The following HMGCLL1 variants were observed in gnomAD, a reference collection of about 807,000 sequenced individuals.
HMGCLL1 encodes the protein 3-hydroxy-3-methylglutaryl-CoA lyase like 1.
HMGCLL1 carries 36 observed loss-of-function variants against 39.1 expected under a neutral mutation model. That is an observed-to-expected ratio of 0.92 (90% CI 0.71 to 1.22). The LOEUF (loss-of-function observed/expected upper bound fraction) is 1.22, where lower values mean the gene tolerates loss of function less well. HMGCLL1 is among the 50% of genes most tolerant of loss of function. HMGCLL1 has a pLI of 0.00. For missense variants in HMGCLL1, 451 were observed against 416.5 expected, an observed-to-expected ratio of 1.08 and a Z score of -0.72; for synonymous variants, 149 against 144.0, an observed-to-expected ratio of 1.03 and a Z score of -0.25.
At chr6:55,538,947 A>G (rs913516286) in intron 3 of HMGCLL1, among the ~76,000 whole-genome samples, 4 of 152,102 alleles carry the variant, frequency 2.6e-5, no homozygotes, top group Non-Finnish European at 5.9e-5. Context: ...TATTACTACT[A>G]CTCTTAATCC....
the HMGCLL1 span, among the ~76,000 whole-genome samples, chr6:55,674,217 G>A: frequency 2.6e-5 from 4 of 151,720 alleles, no homozygotes; most frequent in East Asian, 7.7e-4. Flanking sequence ...ATAGAATATG[G>A]TGTCAAGTTA....
upstream of HMGCLL1, among the ~76,000 whole-genome samples, chr6:55,579,968 T>C (rs1224146320): frequency 6.6e-6 from 1 of 152,096 alleles, no homozygotes; most frequent in African/African-American, 2.4e-5. Flanking sequence ...CTAATAATCT[T>C]CGCAGTGGGT....
At chr6:55,519,125 G>A (rs1357564429) in intron 3 of HMGCLL1, among the ~76,000 whole-genome samples, 2 of 152,128 alleles carry the variant, frequency 1.3e-5, no homozygotes, top group Non-Finnish European at 2.9e-5. Flanking sequence ...TTAGTATAAA[G>A]ATTCTGATTT....
At chr6:55,461,845 A>C (rs1764580020) in intron 7 of HMGCLL1, among the ~76,000 whole-genome samples, 1 of 152,184 alleles carries the variant, frequency 6.6e-6, no homozygotes, top group Non-Finnish European at 1.5e-5. Context: ...CCTGTGAAGA[A>C]CTACTCAATA....
At chr6:55,510,201 A>G (rs1274202428) in intron 5 of HMGCLL1, among the ~76,000 whole-genome samples, 1 of 152,040 alleles carries the variant, frequency 6.6e-6, no homozygotes, top group Admixed American at 6.6e-5. Context: ...CAGAAGGTTA[A>G]TCACGAATCA....
chr6:55,543,479 T>TATATG (rs1554156497), intron 1 of HMGCLL1, among the ~76,000 whole-genome samples: 887 of 12,002 alleles, frequency 0.074, 7 homozygotes, highest in Non-Finnish European at 0.15. Flanking sequence ...TCATATATAA[T>TATATG]ATATATATGA....
At chr6:55,503,937 T>C (rs1353492506) in intron 5 of HMGCLL1, among the ~76,000 whole-genome samples, 1 of 151,716 alleles carries the variant, frequency 6.6e-6, no homozygotes, top group African/African-American at 2.4e-5. Flanking sequence ...AGTGCTCTCC[T>C]TGTTTCTAAC....
At chr6:55,480,180 A>G (rs777734838) in intron 7 of HMGCLL1, among the ~76,000 whole-genome samples, 3 of 151,610 alleles carry the variant, frequency 2.0e-5, no homozygotes, top group Non-Finnish European at 4.4e-5. Flanking sequence ...AGCAAACAAC[A>G]AAGAGACAAC....
At chr6:55,461,870 A>C (rs746757705) in intron 7 of HMGCLL1, among the ~76,000 whole-genome samples, 7 of 152,214 alleles carry the variant, frequency 4.6e-5, no homozygotes, top group Non-Finnish European at 1.0e-4. Flanking sequence ...CTTGCTAATG[A>C]AAACAATAAT....
chr6:55,531,085 G>T (rs1768638755), intron 3 of HMGCLL1, among the ~76,000 whole-genome samples: 1 of 152,146 alleles, frequency 6.6e-6, no homozygotes, highest in Non-Finnish European at 1.5e-5. Context: ...TTTAAACCAG[G>T]TTTTGAGTAA....
At chr6:55,664,734 G>A in the HMGCLL1 span, among the ~76,000 whole-genome samples, 6 of 151,614 alleles carry the variant, frequency 4.0e-5, no homozygotes, top group Non-Finnish European at 8.9e-5. Context: ...CATTCAATTT[G>A]TTAGTCAGGC....
intron 1 of HMGCLL1, chr6:55,563,804 T>C (rs1771081678): frequency 9.3e-7 from 1 of 1,069,934 alleles, no homozygotes; most frequent in South Asian, 1.3e-5. Flanking sequence ...GTTGTTAGGC[T>C]TCTCCTATTC....
chr6:55,637,593 A>G, the HMGCLL1 span, among the ~76,000 whole-genome samples: 1 of 151,888 alleles, frequency 6.6e-6, no homozygotes, highest in South Asian at 2.1e-4. Context: ...CATTTAATAC[A>G]CTCTTCTGAG....
intron 7 of HMGCLL1, among the ~76,000 whole-genome samples, chr6:55,465,335 A>C (rs976286511): frequency 6.6e-6 from 1 of 152,038 alleles, no homozygotes; most frequent in African/African-American, 2.4e-5. Context: ...ACACACCCAA[A>C]ATCAGTTATC....
the HMGCLL1 span, among the ~76,000 whole-genome samples, chr6:55,649,105 G>A: frequency 6.6e-6 from 1 of 152,054 alleles, no homozygotes. Context: ...CTTAAGTCAA[G>A]AGAAGTTTAC....
chr6:55,474,305 T>C (rs1469396722), intron 7 of HMGCLL1, among the ~76,000 whole-genome samples: 2 of 151,764 alleles, frequency 1.3e-5, no homozygotes, highest in South Asian at 2.1e-4. Flanking sequence ...CAATCTGTTA[T>C]GAATTTTTTC....
At chr6:55,652,406 CT>C in the HMGCLL1 span, among the ~76,000 whole-genome samples, 1 of 151,948 alleles carries the variant, frequency 6.6e-6, no homozygotes, top group Non-Finnish European at 1.5e-5. Flanking sequence ...TGTCTAGATA[CT>C]GAAAACTCTG....
At chr6:55,515,134 T>A (rs1038041107) in intron 4 of HMGCLL1, among the ~76,000 whole-genome samples, 4 of 151,960 alleles carry the variant, frequency 2.6e-5, no homozygotes, top group African/African-American at 9.7e-5. Context: ...ACATCTGTAG[T>A]CCCAGCTACT....
chr6:55,457,123 C>T (rs1016010038), intron 7 of HMGCLL1, among the ~76,000 whole-genome samples: 3 of 152,092 alleles, frequency 2.0e-5, no homozygotes, highest in African/African-American at 7.2e-5. Context: ...CTGACTGATC[C>T]CAGAAAAATG....
Sources: allele counts gnomAD v4.1 joint callset (sites outside exome capture counted in the v4.1 genomes callset), GRCh38; gene constraint gnomAD v4.1.1; transcripts MANE v1.5; gene names NCBI Gene and HGNC (gene_info 2026-07-23, HGNC 2026-07-21).